ZNF106: variants seen among roughly 807,000 people sequenced by gnomAD.
ZNF106 encodes zinc finger protein 106.
ZNF106 carries 67 observed loss-of-function variants against 195.1 expected under a neutral mutation model. The observed-to-expected ratio is 0.34, with a 90% CI of 0.28 to 0.42. The LOEUF (loss-of-function observed/expected upper bound fraction) is 0.42. Ranked by LOEUF, ZNF106 falls within the 10% of genes least tolerant of loss-of-function variation. The pLI is 1.00. For missense variants in ZNF106, 2,118 were observed against 2,304.5 expected, an observed-to-expected ratio of 0.92 and a Z score of 1.66; for synonymous variants, 784 against 818.6, an observed-to-expected ratio of 0.96 and a Z score of 0.72.
intron 1 of ZNF106, among the ~76,000 whole-genome samples, chr15:42,476,854 T>C (rs1167959751): frequency 1.3e-5 from 2 of 152,170 alleles, no homozygotes; most frequent in Non-Finnish European, 2.9e-5. Flanking sequence ...TTCCTTAAGA[T>C]TTCCTTAATA....
At chr15:42,488,366 C>T (rs188962760) in intron 1 of ZNF106, among the ~76,000 whole-genome samples, 2 of 152,260 alleles carry the variant, frequency 1.3e-5, no homozygotes, top group East Asian at 3.9e-4. Flanking sequence ...CAAATTCATA[C>T]ATTTATTTAA....
intron 20 of ZNF106, 45 bp from the exon 21 acceptor site, chr15:42,417,996 T>G (rs765322712): frequency 2.5e-6 from 4 of 1,595,556 alleles, no homozygotes; most frequent in Non-Finnish European, 3.4e-6. Flanking sequence ...AAGGGTGCAG[T>G]GAACGTGAAT....
At chr15:42,418,236 G>A (rs2054525583) in intron 20 of ZNF106, among the ~76,000 whole-genome samples, 1 of 152,122 alleles carries the variant, frequency 6.6e-6, no homozygotes, top group Non-Finnish European at 1.5e-5. Flanking sequence ...AATGTTTATG[G>A]GTAAATTACC....
intron 2 of ZNF106, among the ~76,000 whole-genome samples, chr15:42,470,523 A>G (rs1168556957): frequency 6.6e-6 from 1 of 152,208 alleles, no homozygotes; most frequent in Non-Finnish European, 1.5e-5. Flanking sequence ...TTTAAAAAAA[A>G]GGAAAATAAA....
intron 10 of ZNF106, among the ~76,000 whole-genome samples, chr15:42,441,363 A>G (rs1461941590): frequency 6.6e-6 from 1 of 151,812 alleles, no homozygotes; most frequent in Non-Finnish European, 1.5e-5. Flanking sequence ...TAAGCTATAT[A>G]TTTGATACTA....
At chr15:42,478,869 TACC>T (rs2056841263) in intron 1 of ZNF106, among the ~76,000 whole-genome samples, 1 of 152,178 alleles carries the variant, frequency 6.6e-6, no homozygotes, top group Non-Finnish European at 1.5e-5. Flanking sequence ...TCACAGAGGA[TACC>T]ACATTACATT....
Position 42,451,800 on chromosome 15 carries a change from C to A in ZNF106, c.472G>T (p.Glu158Ter), listed in dbSNP as rs772976159. Residue 158 changes from glutamate (E) to a stop codon, truncating the protein, a stop_gained, in exon 5 of 22, where the codon GAA (glutamate) becomes TAA (stop). Coordinates refer to ENST00000564754, the MANE Select transcript of ZNF106 (RefSeq NM_001366845.3). LOFTEE classifies it high-confidence loss of function. ...RGPPQRDWKWEKDGFNNTRKN... is the reference protein window; with the variant it reads ...RGPPQRDWKW ...CTAGTATTATTAAAGCCATCTTTTT[C>A]CCATTTCCAATCCCGCTGTGGAGGT... is the stretch of plus-strand genomic sequence containing the variant. The A allele has an allele frequency of 1.2e-6, 2 of 1,614,168 alleles. No homozygotes were observed. Among genetic ancestry groups the A allele is most frequent in the Non-Finnish European group, 1.7e-6 (2 of 1,180,014 alleles).
intron 1 of ZNF106, among the ~76,000 whole-genome samples, chr15:42,483,869 T>C (rs1389540930): frequency 6.6e-6 from 1 of 152,162 alleles, no homozygotes; most frequent in East Asian, 1.9e-4. Context: ...TTACTCATCC[T>C]TCAAATCTCA....
At chr15:42,423,379 AAAAG>A (rs1322949046) in intron 17 of ZNF106, among the ~76,000 whole-genome samples, 37 of 151,598 alleles carry the variant, frequency 2.4e-4, no homozygotes, top group Admixed American at 4.6e-4. Context: ...TCAAAAAAAA[AAAAG>A]AAAGAAAGAA....
rs1462684796 is a variant in ZNF106, at chr15:42,439,530, G to A, written c.4047C>T (p.Pro1349=). Residue 1349 remains proline (P), a synonymous_variant, in exon 11 of 22, where the codon CCC becomes CCT. Coordinates refer to ENST00000564754, the MANE Select transcript of ZNF106 (RefSeq NM_001366845.3). ...FASETPLEKE[P]HSPADQPEQQ... ...GTTCAGGCTGGTCAGCTGGAGAGTG[G>A]GGTTCCTTCTCCAAAGGGGTTTCTG... 1.9e-6 allele frequency: 3 copies of A among 1,614,156 alleles called. No homozygotes were observed. The highest frequency in any genetic ancestry group is 3.3e-5 in the Admixed American group (2 of 60,022).
Position 42,428,342 on chromosome 15 carries a change from C to T in ZNF106, c.4882-208G>A, listed in dbSNP as rs547716055. Among the ~76,000 whole-genome samples, 363 of 152,220 alleles carry T rather than the reference C, an allele frequency of 2.4e-3. 1 individual carries two copies. In the Middle Eastern group the frequency reaches 0.034, roughly 14 times the overall value. On this transcript the variant is annotated intron_variant, in intron 14 of 21. Coordinates refer to ENST00000564754, the MANE Select transcript of ZNF106 (RefSeq NM_001366845.3). ...AGCTGTAGGTAATATGAAAAATAAA[C>T]ATAAATTCTAGTAATGTTACCCATG...
chr15:42,419,576 C>G (rs1237025868), intron 20 of ZNF106, among the ~76,000 whole-genome samples: 1 of 151,894 alleles, frequency 6.6e-6, no homozygotes, highest in Non-Finnish European at 1.5e-5. Context: ...CAAGGAAGCA[C>G]AAAGACTCTC....
At position 42,424,759 on chromosome 15, in the gene ZNF106, C is replaced by T. The variant is rs141201979; in HGVS notation, c.5190+75G>A. 6.9e-4 allele frequency: 1,009 copies of T among 1,468,160 alleles called. 11 individuals are homozygous for T. The African/African-American group carries it at 0.012, about 18-fold the overall frequency. 90.9% of individuals were successfully genotyped at this position (1,468,160 alleles called of 1,614,324 possible). Reference sequence around the variant, plus strand: ...CCTCCCAAAGTGCTGGGACTACAGACGTGAGCCACCTCGCCTGGCCTCAAA... The same window carrying T: ...CCTCCCAAAGTGCTGGGACTACAGATGTGAGCCACCTCGCCTGGCCTCAAA... On this transcript the variant is annotated intron_variant, in intron 16 of 21. Coordinates refer to ENST00000564754, the MANE Select transcript of ZNF106 (RefSeq NM_001366845.3).
Position 42,448,091 on chromosome 15 carries a change from T to C in ZNF106, c.3116A>G (p.Lys1039Arg), listed in dbSNP as rs945275171. ...ACTCACTCCAGTGGCTCTTCGTTTC[T>C]TTCTAATACTTTGGCCATCATTTTG... ...AEQNDGQSIR[K>R]KRRATGDGSS... is the part of the protein sequence containing the mutation. Residue 1039 changes from lysine to arginine, a missense_variant, in exon 6 of 22, where the codon AAG becomes AGG. Transcript: ENST00000564754. 4.3e-6 allele frequency: 7 copies of C among 1,612,084 alleles called. No individual in the cohort carries two copies. Among genetic ancestry groups the C allele is most frequent in the South Asian group, 3.3e-5 (3 of 91,000 alleles).
intron 1 of ZNF106, among the ~76,000 whole-genome samples, chr15:42,480,742 T>C (rs62022318): frequency 0.12 from 17,936 of 152,222 alleles, 1,194 homozygotes; most frequent in Non-Finnish European, 0.15. Context: ...CCTAGCACTT[T>C]GGGAGGCCAA....
intron 7 of ZNF106, 50 bp from the exon 8 acceptor site, chr15:42,445,031 C>G: frequency 6.2e-7 from 1 of 1,604,486 alleles, no homozygotes; most frequent in South Asian, 1.1e-5. Flanking sequence ...ATTTCCCTCT[C>G]ATCACACAGC....
At chr15:42,471,256 C>T (rs1232338146) in intron 2 of ZNF106, among the ~76,000 whole-genome samples, 9 of 152,208 alleles carry the variant, frequency 5.9e-5, no homozygotes, top group Non-Finnish European at 1.3e-4. Flanking sequence ...TCACACTTCC[C>T]TGGCTAACCT....
At chr15:42,429,918 G>T (rs1278073170) in intron 14 of ZNF106, among the ~76,000 whole-genome samples, 1 of 152,038 alleles carries the variant, frequency 6.6e-6, no homozygotes, top group Non-Finnish European at 1.5e-5. Context: ...TGACAGCTAA[G>T]CACAGAGAAA....
Position 42,421,903 on chromosome 15 carries a change from C to T in ZNF106, c.5445+14G>A. ...ATTCAAAAGCAAATATCTTACATGA[C>T]AAATAACACTCACCATGCTTTTATG... On this transcript the variant is annotated intron_variant, in intron 19 of 21. Coordinates refer to ENST00000564754, the MANE Select transcript of ZNF106 (RefSeq NM_001366845.3). 1 of 1,528,610 alleles carries T rather than the reference C, an allele frequency of 6.5e-7. No homozygotes were observed. Among genetic ancestry groups the T allele is most frequent in the Middle Eastern group, 1.8e-4 (1 of 5,512 alleles). 94.7% of individuals were successfully genotyped at this position (1,528,610 alleles called of 1,614,324 possible). A position where few individuals can be genotyped will look rare whatever the true frequency, so the allele number is the denominator to read the frequency against.
Sources: allele counts gnomAD v4.1 joint callset (sites outside exome capture counted in the v4.1 genomes callset), GRCh38; gene constraint gnomAD v4.1.1; transcripts MANE v1.5; gene names NCBI Gene and HGNC (gene_info 2026-07-23, HGNC 2026-07-21).